The following ROBO2 variants were observed in gnomAD, a reference collection of about 807,000 sequenced individuals.
The protein encoded by ROBO2 is roundabout guidance receptor 2.
ROBO2 carries 53 observed loss-of-function variants against 160.8 expected under a neutral mutation model. That is an observed-to-expected ratio of 0.33 (90% confidence interval 0.26 to 0.41). The LOEUF is 0.41. Among genes scored for constraint, ROBO2 ranks in the 10% least tolerant of loss-of-function variants. ROBO2 has a pLI of 1.00. For missense variants in ROBO2, 1,577 were observed against 1,722.4 expected (o/e 0.92, Z 1.49); for synonymous variants, 664 against 611.7 (o/e 1.09, Z -1.26).
intron 2 of ROBO2, among the ~76,000 whole-genome samples, chr3:76,659,759 G>A (rs1481339553): frequency 6.6e-6 from 1 of 152,162 alleles, no homozygotes; most frequent in Admixed American, 6.5e-5. Context: ...GGGAGGCAAA[G>A]TAAATACATA....
intron 2 of ROBO2, among the ~76,000 whole-genome samples, chr3:76,655,084 A>G (rs1188652776): frequency 6.6e-6 from 1 of 150,968 alleles, no homozygotes; most frequent in Non-Finnish European, 1.5e-5. Flanking sequence ...CGGGGTTACA[A>G]TTTTTTAAAT....
At chr3:76,054,440 A>G (rs555107453) in intron 2 of ROBO2, among the ~76,000 whole-genome samples, 75 of 152,310 alleles carry the variant, frequency 4.9e-4, no homozygotes, top group African/African-American at 1.8e-3. Context: ...GAAACGGTCA[A>G]CTAAAGTTAA....
intron 2 of ROBO2, among the ~76,000 whole-genome samples, chr3:76,350,321 A>C (rs1327897301): frequency 6.6e-6 from 1 of 152,060 alleles, no homozygotes; most frequent in East Asian, 1.9e-4. Context: ...TCCATAACTG[A>C]TATGTCTCCA....
rs951531593 is a variant in ROBO2 at position 77,632,380 on chromosome 3, G to A, written c.3761-2490G>A. On this transcript the variant is annotated intron_variant, in intron 23 of 25. Transcript: ENST00000461745. ...ATCATGATGAAACTTCAAGGAAGAA[G>A]CATGGACAACTTACTTGCTCATTAG... 10 of 897,474 alleles carry A rather than the reference G, an allele frequency of 1.1e-5. No homozygotes were observed. The South Asian group carries it at 1.2e-4, about 11-fold the overall frequency. The allele number at this position is 897,474 out of a possible 1,614,324, so 55.6% of individuals were successfully genotyped here. A position where few individuals can be genotyped will look rare whatever the true frequency, so the allele number is the denominator to read the frequency against.
rs58339602 is a variant in ROBO2 at position 76,555,358 on chromosome 3, G to GAGAAGAAGAAGAAGAAGAAGAAGA, written c.110-542618_110-542595dup. 5.1e-3 allele frequency among the ~76,000 whole-genome samples: 294 copies of GAGAAGAAGAAGAAGAAGAAGAAGA among 57,936 alleles called. 5 individuals carry two copies. Among genetic ancestry groups the GAGAAGAAGAAGAAGAAGAAGAAGA allele is most frequent in the African/African-American group, 0.013 (241 of 19,258 alleles). The allele number at this position is 57,936 out of a possible 152,430, so 38.0% of individuals were successfully genotyped here. A position where few individuals can be genotyped will look rare whatever the true frequency, so the allele number is the denominator to read the frequency against. ...AGGAAGAGGAGGAAGAGTAGGAAGA[G>GAGAAGAAGAAGAAGAAGAAGAAGA]AGAAGAAGAAGAAGAAGAAGAAGAA... is the stretch of plus-strand genomic sequence containing the variant. On this transcript the variant is annotated intron_variant, in intron 2 of 26. Transcript: ENST00000487694.
chr3:76,899,772 A>AT (rs1051153463), intron 2 of ROBO2, among the ~76,000 whole-genome samples: 7 of 151,988 alleles, frequency 4.6e-5, no homozygotes, highest in African/African-American at 1.5e-4. Context: ...GCCTTGTACC[A>AT]TTTTTTTAAG....
At chr3:76,903,518 C>T (rs1039924067) in intron 2 of ROBO2, among the ~76,000 whole-genome samples, 14 of 151,996 alleles carry the variant, frequency 9.2e-5, no homozygotes, top group Admixed American at 9.2e-4. Flanking sequence ...TTCAGTGGTC[C>T]TGAAATTGAA....
At chr3:76,272,675 A>T (rs1240808540) in intron 2 of ROBO2, among the ~76,000 whole-genome samples, 1 of 63,740 alleles carries the variant, frequency 1.6e-5, no homozygotes, top group African/African-American at 4.3e-5. Flanking sequence ...ATACATACAC[A>T]TATAAATATA....
rs147459186 is a variant in ROBO2, at chr3:76,220,648, C to A, written c.109+283046C>A. 2.9e-3 allele frequency among the ~76,000 whole-genome samples: 439 copies of A among 152,248 alleles called. 2 individuals carry two copies. The highest frequency in any genetic ancestry group is 0.01 in the African/African-American group (420 of 41,532). On this transcript the variant is annotated intron_variant, in intron 2 of 26. Transcript: ENST00000487694. ...GTATTTTGGTACAGGAGCACAGATG[C>A]ACTAAGACATTCTTTGAGTGGTGTT...
intron 2 of ROBO2, among the ~76,000 whole-genome samples, chr3:76,127,159 G>A (rs147661591): frequency 2.0e-5 from 3 of 152,260 alleles, no homozygotes; most frequent in African/African-American, 7.2e-5. Flanking sequence ...TTGTGGGACA[G>A]TCTGTAAGCC....
At chr3:76,162,167 G>A (rs1022452686) in intron 2 of ROBO2, among the ~76,000 whole-genome samples, 10 of 152,192 alleles carry the variant, frequency 6.6e-5, no homozygotes, top group African/African-American at 2.2e-4. Flanking sequence ...TTGGTATCAG[G>A]CATTGTGCTG....
chr3:76,231,539 G>A (rs1704621995), intron 2 of ROBO2, among the ~76,000 whole-genome samples: 1 of 152,076 alleles, frequency 6.6e-6, no homozygotes, highest in Non-Finnish European at 1.5e-5. Flanking sequence ...TTCATCTGTA[G>A]TTTCATTTAC....
intron 2 of ROBO2, among the ~76,000 whole-genome samples, chr3:77,328,991 C>T (rs1193377582): frequency 1.3e-5 from 2 of 152,128 alleles, no homozygotes; most frequent in African/African-American, 2.4e-5. Flanking sequence ...TTTTTCTTTT[C>T]CTTGCGTTCT....
intron 23 of ROBO2, chr3:77,634,665 T>G: frequency 1.7e-6 from 1 of 578,980 alleles, no homozygotes. Context: ...AGTGGGGGTG[T>G]TGTTAGCTTA....
At chr3:76,413,982 C>T (rs891563995) in intron 2 of ROBO2, among the ~76,000 whole-genome samples, 1 of 152,100 alleles carries the variant, frequency 6.6e-6, no homozygotes, top group Admixed American at 6.6e-5. Flanking sequence ...CTGGGGAGGC[C>T]TCAGAATCAT....
At chr3:76,683,544 CA>C (rs1482417995) in intron 2 of ROBO2, among the ~76,000 whole-genome samples, 3 of 149,930 alleles carry the variant, frequency 2.0e-5, no homozygotes, top group Non-Finnish European at 4.4e-5. Context: ...GCTGTTTCTT[CA>C]AATTCATTAC....
At chr3:76,256,765 T>A (rs1196870516) in intron 2 of ROBO2, among the ~76,000 whole-genome samples, 1 of 151,926 alleles carries the variant, frequency 6.6e-6, no homozygotes, top group Non-Finnish European at 1.5e-5. Context: ...GGGTAATTTA[T>A]AAGAAAAAGA....
At chr3:76,019,890 G>A (rs529027409) in intron 2 of ROBO2, among the ~76,000 whole-genome samples, 2 of 151,876 alleles carry the variant, frequency 1.3e-5, no homozygotes, top group Admixed American at 1.3e-4. Flanking sequence ...CTCCCCACAT[G>A]GTTAGGTTTC....
At chr3:76,316,869 G>A (rs2072076269) in intron 2 of ROBO2, among the ~76,000 whole-genome samples, 1 of 152,140 alleles carries the variant, frequency 6.6e-6, no homozygotes, top group Non-Finnish European at 1.5e-5. Flanking sequence ...TCCGTTCAGG[G>A]TCCCTGACTT....
Sources: allele counts gnomAD v4.1 joint callset (sites outside exome capture counted in the v4.1 genomes callset), GRCh38; gene constraint gnomAD v4.1.1; transcripts MANE v1.5; gene names NCBI Gene and HGNC (gene_info 2026-07-23, HGNC 2026-07-21).